Variants in PCDH11X observed in about 807,000 individuals in gnomAD.
PCDH11X encodes the protein protocadherin 11 X-linked.
A neutral mutation model predicts 53.3 loss-of-function variants in PCDH11X; 18 were observed. That is an observed-to-expected ratio of 0.34 (90% CI 0.23 to 0.50). PCDH11X has a LOEUF of 0.50. PCDH11X is among the 20% of genes least tolerant of loss of function. The pLI is 0.98. For missense variants in PCDH11X, 570 were observed against 1,032.4 expected (o/e 0.55, Z 6.14); for synonymous variants, 279 against 393.3 (o/e 0.71, Z 3.44).
chrX:91,956,602 G>A (rs1298428501), intron 6 of PCDH11X, among the ~76,000 whole-genome samples: 2 of 108,210 alleles, frequency 1.8e-5, no homozygotes, highest in Non-Finnish European at 3.8e-5. Context: ...CTGGCTTGTA[G>A]GATTTCCACT....
At chrX:92,111,246 A>G (rs1211553175) in intron 6 of PCDH11X, among the ~76,000 whole-genome samples, 7 of 103,171 alleles carry the variant, frequency 6.8e-5, no homozygotes, top group Admixed American at 1.1e-4. Context: ...AAAAAAAAAA[A>G]AAAAATCAGC....
At chrX:91,782,824 T>C (rs1935200706) in intron 1 of PCDH11X, among the ~76,000 whole-genome samples, 1 of 111,712 alleles carries the variant, frequency 9.0e-6, no homozygotes, top group South Asian at 3.8e-4. Flanking sequence ...CTTATAGTCC[T>C]AAGGAGCAAG....
chrX:91,975,992 G>A (rs916139291), intron 6 of PCDH11X, among the ~76,000 whole-genome samples: 8 of 111,419 alleles, frequency 7.2e-5, no homozygotes, highest in East Asian at 5.7e-4. Context: ...TCTCTTATTA[G>A]CCATAGACCC....
chrX:91,959,150 AT>A (rs1243870787), intron 6 of PCDH11X, among the ~76,000 whole-genome samples: 1 of 106,377 alleles, frequency 9.4e-6, no homozygotes, highest in Non-Finnish European at 1.9e-5. Context: ...TTTTTGGGGT[AT>A]TTTTTAAACT....
chrX:92,493,472 C>CTT (rs34361635), intron 10 of PCDH11X, among the ~76,000 whole-genome samples: 279 of 103,676 alleles, frequency 2.7e-3, no homozygotes, highest in African/African-American at 9.0e-3. Context: ...GTTCATACAT[C>CTT]TTTTTTTTTT....
At chrX:92,251,220 C>T (rs1334021116) in intron 7 of PCDH11X, among the ~76,000 whole-genome samples, 2 of 110,233 alleles carry the variant, frequency 1.8e-5, no homozygotes, top group Non-Finnish European at 3.8e-5. Flanking sequence ...GGAGTTGAAC[C>T]TCGATAATAC....
intron 9 of PCDH11X, among the ~76,000 whole-genome samples, chrX:92,391,352 C>T (rs1218703271): frequency 9.1e-6 from 1 of 109,470 alleles, no homozygotes; most frequent in African/African-American, 3.3e-5. Flanking sequence ...CATGGAGACA[C>T]ATGTGGCCCT....
At chrX:92,018,779 T>C (rs1052311910) in intron 6 of PCDH11X, among the ~76,000 whole-genome samples, 1 of 112,395 alleles carries the variant, frequency 8.9e-6, no homozygotes, top group Non-Finnish European at 1.9e-5. Flanking sequence ...CATTGCCCAT[T>C]GAAAATGAAA....
chrX:91,820,860 G>A (rs1348426001), intron 4 of PCDH11X, among the ~76,000 whole-genome samples: 2 of 103,893 alleles, frequency 1.9e-5, no homozygotes, highest in African/African-American at 8.3e-5. Context: ...TAAGGTGTAA[G>A]GAAGGGATCC....
chrX:92,062,953 C>T (rs2063543649), intron 6 of PCDH11X, among the ~76,000 whole-genome samples: 1 of 111,344 alleles, frequency 9.0e-6, no homozygotes, highest in Non-Finnish European at 1.9e-5. Context: ...ACCCAAATGC[C>T]CATCAATGAT....
At chrX:92,257,858 G>A (rs1441038905) in intron 7 of PCDH11X, among the ~76,000 whole-genome samples, 1 of 111,854 alleles carries the variant, frequency 8.9e-6, no homozygotes, top group Non-Finnish European at 1.9e-5. Flanking sequence ...GGTACAAGCT[G>A]TTGGTGGATC....
At chrX:92,460,820 C>G (rs1464663897) in intron 9 of PCDH11X, 2 of 1,110,007 alleles carry the variant, frequency 1.8e-6, no homozygotes, top group Non-Finnish European at 2.4e-6. Context: ...TGGAAGATGG[C>G]GAGGACTTCA....
chrX:92,446,828 A>G (rs781346995), intron 9 of PCDH11X, among the ~76,000 whole-genome samples: 23 of 111,598 alleles, frequency 2.1e-4, no homozygotes, highest in African/African-American at 7.2e-4. Context: ...AGATAGGAAA[A>G]TGTGGGAAAG....
chrX:92,148,005 C>CTTTA, intron 6 of PCDH11X, among the ~76,000 whole-genome samples: 1 of 72,895 alleles, frequency 1.4e-5, no homozygotes, highest in South Asian at 7.7e-4. Context: ...TTCTTTCTTT[C>CTTTA]TTTTTCTTTC....
At chrX:91,887,237 A>C (rs1940272383) in intron 6 of PCDH11X, among the ~76,000 whole-genome samples, 1 of 110,385 alleles carries the variant, frequency 9.1e-6, no homozygotes, top group Non-Finnish European at 1.9e-5. Flanking sequence ...TCTTATATAA[A>C]TCTAAGCCAC....
At chrX:92,258,027 T>A (rs1454917145) in intron 7 of PCDH11X, among the ~76,000 whole-genome samples, 1 of 112,220 alleles carries the variant, frequency 8.9e-6, no homozygotes, top group African/African-American at 3.2e-5. Flanking sequence ...TCTAAAATTC[T>A]AGGTAGTGGC....
chrX:92,200,652 G>C (rs1208824997), intron 6 of PCDH11X, among the ~76,000 whole-genome samples: 1 of 111,350 alleles, frequency 9.0e-6, no homozygotes, highest in African/African-American at 3.3e-5. Context: ...CGTCCTCAAT[G>C]CACTTAGCAC....
At chrX:92,129,804 A>G (rs1396344272) in intron 6 of PCDH11X, among the ~76,000 whole-genome samples, 1 of 111,317 alleles carries the variant, frequency 9.0e-6, no homozygotes, top group East Asian at 2.9e-4. Flanking sequence ...GGAGACAGAA[A>G]GGTCTGAGAG....
chrX:92,070,067 C>T (rs1317059022), intron 6 of PCDH11X, among the ~76,000 whole-genome samples: 4 of 111,555 alleles, frequency 3.6e-5, no homozygotes, highest in Admixed American at 1.9e-4. Context: ...TACACTTTAA[C>T]TTCATCCCCC....
Sources: gnomAD v4.1 joint callset for allele counts (sites outside exome capture counted in the v4.1 genomes callset) on GRCh38, gnomAD v4.1.1 for gene constraint, MANE v1.5 for transcripts, NCBI Gene and HGNC (gene_info 2026-07-23, HGNC 2026-07-21) for gene names.